Variants in NLGN1 observed in about 807,000 individuals in gnomAD.
NLGN1 encodes neuroligin-1.
Under a neutral mutation model 65.5 loss-of-function variants are expected in NLGN1, and 12 were observed. That is an observed-to-expected ratio of 0.18 (90% CI 0.12 to 0.30). The LOEUF is 0.30. Ranked by LOEUF, NLGN1 falls within the 10% of genes least tolerant of loss-of-function variation. NLGN1 has a pLI of 1.00. For missense variants in NLGN1, 750 were observed against 1,007.1 expected, an observed-to-expected ratio of 0.74 and a Z score of 3.46; for synonymous variants, 350 against 359.5, an observed-to-expected ratio of 0.97 and a Z score of 0.30.
intron 4 of NLGN1, among the ~76,000 whole-genome samples, chr3:173,953,436 G>T (rs1402649775): frequency 6.6e-6 from 1 of 152,198 alleles, no homozygotes; most frequent in African/African-American, 2.4e-5. Context: ...TTTTAGAGCT[G>T]CTTGTTATCC....
At chr3:174,050,880 G>T (rs932211217) in intron 4 of NLGN1, among the ~76,000 whole-genome samples, 8 of 152,062 alleles carry the variant, frequency 5.3e-5, no homozygotes, top group Non-Finnish European at 2.9e-5. Context: ...TATCACTTGT[G>T]TCTGTTTGTC....
chr3:174,111,062 T>C (rs1264659420), intron 4 of NLGN1, among the ~76,000 whole-genome samples: 1 of 152,016 alleles, frequency 6.6e-6, no homozygotes, highest in African/African-American at 2.4e-5. Flanking sequence ...TTGGCCAGAA[T>C]ACACTGTATT....
chr3:173,485,679 C>T (rs1046580193), intron 2 of NLGN1, among the ~76,000 whole-genome samples: 1 of 152,094 alleles, frequency 6.6e-6, no homozygotes, highest in Non-Finnish European at 1.5e-5. Context: ...TACTTTGAGG[C>T]ATCTTTTAAA....
chr3:174,064,459 A>G (rs1738066889), intron 4 of NLGN1, among the ~76,000 whole-genome samples: 2 of 151,842 alleles, frequency 1.3e-5, no homozygotes, highest in African/African-American at 2.4e-5. Context: ...TTGGGTTTGA[A>G]TCTTGACTCC....
chr3:173,781,463 CTG>C (rs1359779630), intron 3 of NLGN1, among the ~76,000 whole-genome samples: 1 of 152,110 alleles, frequency 6.6e-6, no homozygotes, highest in Non-Finnish European at 1.5e-5. Context: ...AATTTGTTCA[CTG>C]TTATGGATTA....
intron 2 of NLGN1, among the ~76,000 whole-genome samples, chr3:173,593,357 T>C (rs1465093983): frequency 6.6e-6 from 1 of 152,196 alleles, no homozygotes; most frequent in Non-Finnish European, 1.5e-5. Context: ...TACTTTTTTG[T>C]CTTCATGAAT....
At chr3:174,066,406 C>T (rs929112765) in intron 4 of NLGN1, among the ~76,000 whole-genome samples, 1 of 151,784 alleles carries the variant, frequency 6.6e-6, no homozygotes, top group Non-Finnish European at 1.5e-5. Flanking sequence ...AAACTGTCAA[C>T]CTGTTCCAAG....
chr3:173,659,954 G>C (rs1259231504), intron 3 of NLGN1, among the ~76,000 whole-genome samples: 1 of 151,878 alleles, frequency 6.6e-6, no homozygotes, highest in East Asian at 1.9e-4. Context: ...AAAGTCATAG[G>C]TGTTTTATTC....
chr3:173,589,980 T>C (rs1034120866), intron 2 of NLGN1, among the ~76,000 whole-genome samples: 2 of 152,144 alleles, frequency 1.3e-5, no homozygotes, highest in African/African-American at 4.8e-5. Flanking sequence ...TCAAGTAATA[T>C]TGAGTTGATA....
intron 4 of NLGN1, among the ~76,000 whole-genome samples, chr3:173,898,048 A>G (rs1736641635): frequency 1.3e-5 from 2 of 152,198 alleles, no homozygotes; most frequent in African/African-American, 4.8e-5. Context: ...AAATCCTAAT[A>G]AAAGTTTCTG....
intron 4 of NLGN1, among the ~76,000 whole-genome samples, chr3:173,974,362 A>G (rs1003081680): frequency 1.1e-4 from 16 of 152,076 alleles, no homozygotes; most frequent in Non-Finnish European, 2.1e-4. Context: ...TATTTTTATA[A>G]CACACATTTA....
chr3:173,399,454 T>C (rs2148595770), intron 1 of NLGN1: 1 of 152,342 alleles, frequency 6.6e-6, no homozygotes, highest in Admixed American at 6.5e-5. Flanking sequence ...TAGTTTTATT[T>C]TGTGAAATTT....
At chr3:174,153,308 G>T (rs2152707130) in intron 4 of NLGN1, among the ~76,000 whole-genome samples, 1 of 152,200 alleles carries the variant, frequency 6.6e-6, no homozygotes, top group South Asian at 2.1e-4. Flanking sequence ...TGTAAGCAAG[G>T]TAACATTTCA....
At chr3:173,809,974 A>G (rs930774708) in intron 4 of NLGN1, among the ~76,000 whole-genome samples, 9 of 152,082 alleles carry the variant, frequency 5.9e-5, no homozygotes, top group African/African-American at 2.2e-4. Context: ...CCTCTCCTTT[A>G]TTTCTCTTAA....
chr3:174,020,164 A>G (rs899849057), intron 4 of NLGN1, among the ~76,000 whole-genome samples: 2 of 152,168 alleles, frequency 1.3e-5, no homozygotes, highest in Non-Finnish European at 2.9e-5. Context: ...CCCAAATTAC[A>G]GAACCATCAT....
intron 4 of NLGN1, among the ~76,000 whole-genome samples, chr3:174,270,967 A>T (rs1749288409): frequency 1.3e-5 from 2 of 151,816 alleles, no homozygotes; most frequent in South Asian, 4.2e-4. Context: ...TCAGAGTCTC[A>T]TGTCTGCAAG....
intron 2 of NLGN1, among the ~76,000 whole-genome samples, chr3:173,542,603 A>G (rs773469188): frequency 5.3e-5 from 8 of 152,084 alleles, no homozygotes; most frequent in Non-Finnish European, 1.0e-4. Flanking sequence ...TTTTCTTCTT[A>G]TATTTTATTT....
At chr3:173,924,054 G>T (rs1742549722) in intron 4 of NLGN1, among the ~76,000 whole-genome samples, 1 of 151,936 alleles carries the variant, frequency 6.6e-6, no homozygotes, top group Non-Finnish European at 1.5e-5. Context: ...AAAAAATTCA[G>T]CCATGACTAC....
rs75198400 is a variant in NLGN1, at chr3:174,268,028, C to A, written c.647-7287C>A. Among the ~76,000 whole-genome samples, 71 of 152,090 alleles carry A rather than the reference C, an allele frequency of 4.7e-4. No individual in the cohort carries two copies. The East Asian group carries it at 9.3e-3, about 20-fold the overall frequency. ...CAAAATTTGTATAGTTTTTATTGTT[C>A]CTGAAGCTACATAGTATAATTCTGA... On this transcript the variant is annotated intron_variant, in intron 4 of 6. Transcript: ENST00000457714.
Sources: gnomAD v4.1 joint callset for allele counts (sites outside exome capture counted in the v4.1 genomes callset) on GRCh38, gnomAD v4.1.1 for gene constraint, MANE v1.5 for transcripts, NCBI Gene and HGNC (gene_info 2026-07-23, HGNC 2026-07-21) for gene names.